Variants in TXNDC11 observed in about 807,000 individuals in gnomAD.
The protein encoded by TXNDC11 is thioredoxin domain-containing protein 11.
A neutral mutation model predicts 78.0 loss-of-function variants in TXNDC11; 68 were observed. That is an observed-to-expected ratio of 0.87 (90% CI 0.72 to 1.07). TXNDC11 has a LOEUF of 1.07. Ranked by LOEUF, TXNDC11 falls within the 50% of genes least tolerant of loss-of-function variation. TXNDC11 has a pLI of 0.00. For missense variants in TXNDC11, 1,389 were observed against 1,221.8 expected (o/e 1.14, Z -2.04); for synonymous variants, 571 against 495.2 (o/e 1.15, Z -2.03).
intron 10 of TXNDC11, among the ~76,000 whole-genome samples, chr16:11,686,547 G>T (rs937350704): frequency 1.3e-5 from 2 of 152,140 alleles, no homozygotes; most frequent in African/African-American, 4.8e-5. Context: ...TTCCAAAAGA[G>T]TTATGGCAAT....
At chr16:11,706,355 G>A (rs545390616) in intron 5 of TXNDC11, among the ~76,000 whole-genome samples, 58 of 152,332 alleles carry the variant, frequency 3.8e-4, no homozygotes, top group Non-Finnish European at 6.6e-4. Flanking sequence ...GTGCTCCTTG[G>A]CTGCTTGCTA....
chr16:11,687,608 G>A (rs2050599533), intron 10 of TXNDC11, among the ~76,000 whole-genome samples: 1 of 152,204 alleles, frequency 6.6e-6, no homozygotes, highest in African/African-American at 2.4e-5. Flanking sequence ...CCACAGAACT[G>A]CACTCAGCCA....
At chr16:11,714,626 C>G (rs1347889104) in intron 5 of TXNDC11, among the ~76,000 whole-genome samples, 2 of 149,760 alleles carry the variant, frequency 1.3e-5, no homozygotes, top group Non-Finnish European at 3.0e-5. Context: ...GGCGACAAAG[C>G]AAGACTCCGT....
chr16:11,726,643 C>T (rs1478982676), intron 4 of TXNDC11, among the ~76,000 whole-genome samples: 1 of 151,598 alleles, frequency 6.6e-6, no homozygotes, highest in African/African-American at 2.4e-5. Flanking sequence ...TCTGAATAGG[C>T]CTTTGAAAGG....
intron 7 of TXNDC11, among the ~76,000 whole-genome samples, chr16:11,692,941 C>A (rs575013738): frequency 1.3e-5 from 2 of 152,278 alleles, no homozygotes; most frequent in Admixed American, 1.3e-4. Flanking sequence ...GGCCCAGCAC[C>A]AGGGCAGCTG....
At chr16:11,707,229 C>T (rs1439281351) in intron 5 of TXNDC11, among the ~76,000 whole-genome samples, 2 of 151,994 alleles carry the variant, frequency 1.3e-5, no homozygotes, top group Admixed American at 6.6e-5. Flanking sequence ...GAGTTCGAGA[C>T]CAGCCTGGCC....
chr16:11,681,647 T>C (rs1419614934), intron 11 of TXNDC11, among the ~76,000 whole-genome samples: 3 of 152,190 alleles, frequency 2.0e-5, no homozygotes, highest in East Asian at 3.8e-4. Flanking sequence ...TCAGAGTCTC[T>C]TGGTGGACAG....
Position 11,721,645 on chromosome 16 carries a change from A to C in TXNDC11, c.725T>G (p.Phe242Cys), listed in dbSNP as rs762568655. The change falls in exon 5 of 12, where the codon TTC (phenylalanine) becomes TGC (cysteine). Residue 242 changes from phenylalanine to cysteine, a missense_variant. Transcript: ENST00000283033. ...ACCAGGAGGCTGGGGTGAGCCACTG[A>C]ACTCAAAGTACCCGAGTACTCCAGG... Reference protein sequence around the residue: ...YEPGVLGYFEFSGSPQPPGYL... With the variant: ...YEPGVLGYFECSGSPQPPGYL... 1 of 1,612,198 alleles carries C rather than the reference A, an allele frequency of 6.2e-7. No individual in the cohort carries two copies. Among genetic ancestry groups the C allele is most frequent in the Non-Finnish European group, 8.5e-7 (1 of 1,178,696 alleles).
intron 5 of TXNDC11, among the ~76,000 whole-genome samples, chr16:11,721,006 T>C (rs1408951012): frequency 2.6e-5 from 4 of 151,484 alleles, no homozygotes; most frequent in African/African-American, 9.7e-5. Flanking sequence ...CCTCCCAAAG[T>C]GCTGGGACTA....
At chr16:11,732,670 T>A (rs181627942) in intron 3 of TXNDC11, among the ~76,000 whole-genome samples, 25 of 152,242 alleles carry the variant, frequency 1.6e-4, no homozygotes, top group Admixed American at 8.5e-4. Context: ...GAGGAAAATG[T>A]GGGGGTAGAG....
At chr16:11,691,181 A>G (rs2050703055) in intron 8 of TXNDC11, 109 bp downstream of exon 8, 1 of 912,384 alleles carries the variant, frequency 1.1e-6, no homozygotes, top group Non-Finnish European at 1.7e-6. Context: ...ATGAGCTACG[A>G]AGGTGACATC....
rs1016296532 is a variant in TXNDC11 at position 11,710,485 on chromosome 16, T to C, written c.794-9921A>G. 3.3e-4 allele frequency among the ~76,000 whole-genome samples: 50 copies of C among 152,302 alleles called. 1 individual carries two copies. Among genetic ancestry groups the C allele is most frequent in the African/African-American group, 1.2e-3 (49 of 41,560 alleles). ...GGGCAAAGCTCCCTTATTTAACAGA[T>C]GGGGAACCTGAAACCTGAAGGCCAG... On this transcript the variant is annotated intron_variant, in intron 5 of 11. Coordinates refer to ENST00000283033, the MANE Select transcript of TXNDC11 (RefSeq NM_015914.7).
intron 8 of TXNDC11, 111 bp downstream of exon 8, chr16:11,691,179 C>T (rs1407485801): frequency 9.0e-6 from 8 of 892,960 alleles, no homozygotes; most frequent in Middle Eastern, 2.3e-4. Context: ...AAATGAGCTA[C>T]GAAGGTGACA....
At chr16:11,732,674 G>A (rs2052090763) in intron 3 of TXNDC11, among the ~76,000 whole-genome samples, 1 of 152,086 alleles carries the variant, frequency 6.6e-6, no homozygotes, top group Non-Finnish European at 1.5e-5. Context: ...AAAATGTGGG[G>A]GTAGAGATGG....
intron 5 of TXNDC11, among the ~76,000 whole-genome samples, chr16:11,702,222 T>G (rs918002033): frequency 3.3e-5 from 5 of 152,152 alleles, no homozygotes; most frequent in African/African-American, 9.7e-5. Flanking sequence ...CTTATCCTTA[T>G]GTGTGAAGCT....
intron 5 of TXNDC11, among the ~76,000 whole-genome samples, chr16:11,720,969 T>C (rs117626712): frequency 0.011 from 1,672 of 151,240 alleles, 9 homozygotes; most frequent in Non-Finnish European, 0.018. Flanking sequence ...CTCAAACTCC[T>C]GGACTCAAGC....
chr16:11,741,919 G>A (rs1318246855), intron 1 of TXNDC11: 3 of 152,400 alleles, frequency 2.0e-5, no homozygotes, highest in African/African-American at 7.2e-5. Flanking sequence ...TGTAATCCGA[G>A]CTACTCAGGA....
intron 5 of TXNDC11, 140 bp downstream of exon 5, chr16:11,721,437 T>A (rs2051703448): frequency 6.4e-6 from 3 of 470,950 alleles, no homozygotes; most frequent in Non-Finnish European, 1.1e-5. Context: ...AGACTCCATC[T>A]AAAAAAAAAT....
rs746856970 is a variant in TXNDC11 at position 11,679,861 on chromosome 16, A to G, written c.2235-24T>C. The G allele has an allele frequency of 1.9e-6, 3 of 1,590,668 alleles. No individual in the cohort carries two copies. Among genetic ancestry groups the G allele is most frequent in the Non-Finnish European group, 1.7e-6 (2 of 1,165,240 alleles). On this transcript the variant is annotated intron_variant, in intron 11 of 11. Coordinates refer to ENST00000283033, the MANE Select transcript of TXNDC11 (RefSeq NM_015914.7). This position sits in a 1 kb window ranked among gnomAD's most constrained non-coding sequence, Gnocchi z 4.6. ...TTCTGGAGAGAGAGGGAAAGGAAGC[A>G]AAGACAGGAGTCACACCAACACAAT...
Sources: allele counts gnomAD v4.1 joint callset (sites outside exome capture counted in the v4.1 genomes callset), GRCh38; gene constraint gnomAD v4.1.1; non-coding constraint Gnocchi (gnomAD v3.1); transcripts MANE v1.5; gene names NCBI Gene and HGNC (gene_info 2026-07-23, HGNC 2026-07-21).